ITPKB: variants seen among roughly 807,000 people sequenced by gnomAD.
The protein encoded by ITPKB is inositol-trisphosphate 3-kinase B, also known as IP3 3-kinase B.
Under a neutral mutation model 69.4 loss-of-function variants are expected in ITPKB, and 13 were observed. The ratio of observed to expected loss-of-function variants is 0.19; its 90% CI spans 0.12 to 0.30. The LOEUF (loss-of-function observed/expected upper bound fraction) is 0.30. Ranked by LOEUF, ITPKB falls within the 10% of genes least tolerant of loss-of-function variation. The probability of loss-of-function intolerance (pLI) is 1.00; values close to 1 mark genes in which losing one functional copy is unlikely to be tolerated. For synonymous variants in ITPKB, 584 were observed against 513.7 expected (o/e 1.14, Z -1.85); for missense variants, 1,240 against 1,250.5 (o/e 0.99, Z 0.13).
At chr1:226,731,770 T>A (rs1657594403) in intron 2 of ITPKB, among the ~76,000 whole-genome samples, 1 of 152,092 alleles carries the variant, frequency 6.6e-6, no homozygotes, top group African/African-American at 2.4e-5. Flanking sequence ...GCTGAGCCCT[T>A]GCCAGAAAGA....
intron 2 of ITPKB, among the ~76,000 whole-genome samples, chr1:226,720,618 T>C (rs948495024): frequency 2.0e-5 from 3 of 152,218 alleles, no homozygotes; most frequent in Non-Finnish European, 4.4e-5. Flanking sequence ...TAATAGGCAC[T>C]TCTGAAATCA....
intron 2 of ITPKB, among the ~76,000 whole-genome samples, chr1:226,689,344 T>C (rs1019624862): frequency 6.6e-6 from 1 of 152,172 alleles, no homozygotes; most frequent in Admixed American, 6.5e-5. Context: ...TTTTGGAAAG[T>C]CCTATTGTGG....
intron 3 of ITPKB, 110 bp downstream of exon 3, chr1:226,648,562 G>C (rs542063222): frequency 1.3e-6 from 1 of 749,514 alleles, no homozygotes; most frequent in South Asian, 1.5e-5. Context: ...AGACTAGAAA[G>C]TCTTGGAGGG....
At chr1:226,670,098 C>T (rs1351234348) in intron 2 of ITPKB, among the ~76,000 whole-genome samples, 2 of 147,370 alleles carry the variant, frequency 1.4e-5, no homozygotes, top group Non-Finnish European at 3.0e-5. Flanking sequence ...GGTCTCGAAC[C>T]CCTGACCTCA....
rs921720869 is a variant in ITPKB, at chr1:226,641,625, C to T, written c.2451+296G>A. On this transcript the variant is annotated intron_variant, in intron 5 of 7. Coordinates refer to ENST00000429204, the MANE Select transcript of ITPKB (RefSeq NM_002221.4). This position sits in a 1 kb window ranked among gnomAD's most constrained non-coding sequence, Gnocchi z 4.6. ...TACCCCACAGGCATCCCGCAGGTGC[C>T]TCTCGCCTGGCTTTCGGTGCCAGGC... is the stretch of plus-strand genomic sequence containing the variant. Among the ~76,000 whole-genome samples, 5 of 152,238 alleles carry T rather than the reference C, an allele frequency of 3.3e-5. No individual in the cohort carries two copies. Among genetic ancestry groups the T allele is most frequent in the African/African-American group, 1.2e-4 (5 of 41,466 alleles).
chr1:226,692,714 A>G (rs1312744931), intron 2 of ITPKB, among the ~76,000 whole-genome samples: 1 of 152,228 alleles, frequency 6.6e-6, no homozygotes, highest in Non-Finnish European at 1.5e-5. Context: ...AGTCCCAAGA[A>G]TGAGAGCTGA....
intron 2 of ITPKB, chr1:226,707,192 TTTTA>T (rs1365621851): frequency 6.5e-5 from 37 of 572,358 alleles, no homozygotes; most frequent in South Asian, 1.6e-4. Context: ...TTTTTTTATT[TTTTA>T]TTTATTTATT....
chr1:226,649,426 TG>T (rs1179855663), intron 2 of ITPKB, among the ~76,000 whole-genome samples: 14 of 92,052 alleles, frequency 1.5e-4, no homozygotes, highest in African/African-American at 6.5e-4. Flanking sequence ...TGTGCATGAG[TG>T]TGTGCGTATG....
intron 2 of ITPKB, among the ~76,000 whole-genome samples, chr1:226,656,428 T>G (rs78700535): frequency 1.3e-5 from 2 of 152,240 alleles, no homozygotes; most frequent in African/African-American, 4.8e-5. Context: ...TTCATTTCCT[T>G]ATCAGGGCCC....
chr1:226,689,568 T>TG lies in ITPKB; in HGVS notation c.1933-40798_1933-40797insC, dbSNP rs1491521578. On this transcript the variant is annotated intron_variant, in intron 2 of 7. Coordinates refer to ENST00000429204, the MANE Select transcript of ITPKB (RefSeq NM_002221.4). ...TTTTTTCCTTTGTCGGAAGGTTTTA[T>TG]TTGTGTGTGTGTGTGTGTGTGTGTG... 4.4e-4 allele frequency among the ~76,000 whole-genome samples: 54 copies of TG among 123,632 alleles called. 1 individual carries two copies. The highest frequency in any genetic ancestry group is 1.6e-3 in the African/African-American group (51 of 30,936). 81.1% of individuals were successfully genotyped at this position (123,632 alleles called of 152,430 possible). A position where few individuals can be genotyped will look rare whatever the true frequency, so the allele number is the denominator to read the frequency against.
chr1:226,731,301 A>T (rs7551140), intron 2 of ITPKB, among the ~76,000 whole-genome samples: 1 of 152,224 alleles, frequency 6.6e-6, no homozygotes, highest in Non-Finnish European at 1.5e-5. Flanking sequence ...ATTATTAATG[A>T]TAATCTTAGG....
intron 2 of ITPKB, among the ~76,000 whole-genome samples, chr1:226,677,010 G>T (rs1427784832): frequency 6.6e-6 from 1 of 152,162 alleles, no homozygotes; most frequent in African/African-American, 2.4e-5. Flanking sequence ...CTGAGCACCT[G>T]GGAAGCAGCT....
intron 2 of ITPKB, among the ~76,000 whole-genome samples, chr1:226,660,581 G>A (rs1669382376): frequency 6.6e-6 from 1 of 152,140 alleles, no homozygotes; most frequent in Admixed American, 6.5e-5. Flanking sequence ...ATAATGAAGG[G>A]CTAGAGGAGA....
chr1:226,691,128 G>A (rs1433635604), intron 2 of ITPKB, among the ~76,000 whole-genome samples: 1 of 152,100 alleles, frequency 6.6e-6, no homozygotes, highest in Non-Finnish European at 1.5e-5. Context: ...TTCTAGAGAT[G>A]GATGGTGGTG....
At chr1:226,716,359 CTT>C (rs1657095856) in intron 2 of ITPKB, among the ~76,000 whole-genome samples, 1 of 152,050 alleles carries the variant, frequency 6.6e-6, no homozygotes, top group African/African-American at 2.4e-5. Flanking sequence ...GCTCTAAAAT[CTT>C]TTTCTTTATT....
intron 2 of ITPKB, among the ~76,000 whole-genome samples, chr1:226,729,481 C>CA (rs1222337089): frequency 0.36 from 25,159 of 69,964 alleles, 3,489 homozygotes; most frequent in East Asian, 0.44. Context: ...GACTCCACCT[C>CA]AAAAAAAAAA....
In ITPKB at chr1:226,689,776, C is replaced by T. The variant is rs189994466; in HGVS notation, c.1933-41005G>A. Among the ~76,000 whole-genome samples the T allele has an allele frequency of 4.6e-4, 70 of 152,294 alleles. 1 individual carries two copies. The Middle Eastern group carries it at 0.024, about 52-fold the overall frequency. ...CTGATCCTCTCTCTCCTCCTACCCTCTACCCTTCAAAAGGCCCCAGTATCT... is the reference window on the plus strand; with the variant it reads ...CTGATCCTCTCTCTCCTCCTACCCTTTACCCTTCAAAAGGCCCCAGTATCT... On this transcript the variant is annotated intron_variant, in intron 2 of 7. Transcript: ENST00000429204.
chr1:226,692,044 C>A (rs761739008), intron 2 of ITPKB, among the ~76,000 whole-genome samples: 1 of 152,142 alleles, frequency 6.6e-6, no homozygotes. Context: ...AAAGATAAAA[C>A]GCCTGGGAGG....
intron 3 of ITPKB, among the ~76,000 whole-genome samples, chr1:226,648,129 C>T (rs780000535): frequency 4.1e-5 from 6 of 145,124 alleles, no homozygotes; most frequent in Non-Finnish European, 4.7e-5. Context: ...CAGCTCCTAG[C>T]CACCTTCCTC....
Sources: allele counts gnomAD v4.1 joint callset (sites outside exome capture counted in the v4.1 genomes callset), GRCh38; gene constraint gnomAD v4.1.1; non-coding constraint Gnocchi (gnomAD v3.1); transcripts MANE v1.5; gene names NCBI Gene and HGNC (gene_info 2026-07-23, HGNC 2026-07-21).